USH2A: variants seen among roughly 807,000 people sequenced by gnomAD.
USH2A encodes the protein Usher syndrome 2A (autosomal recessive, mild).
USH2A carries 443 observed loss-of-function variants against 538.9 expected under a neutral mutation model. The observed-to-expected ratio is 0.82, with a 90% confidence interval of 0.76 to 0.89. USH2A has a LOEUF of 0.89. USH2A is among the 40% of genes least tolerant of loss of function. The probability of loss-of-function intolerance (pLI) is 0.00; values close to 1 mark genes in which losing one functional copy is unlikely to be tolerated. For missense variants in USH2A, 6,633 were observed against 6,324.8 expected (o/e 1.05, Z -1.65); for synonymous variants, 2,413 against 2,273.5 (o/e 1.06, Z -1.75).
In USH2A at chr1:215,826,955, C is replaced by T. The variant is rs148855466; in HGVS notation, c.9372-9760G>A. 5.9e-5 allele frequency among the ~76,000 whole-genome samples: 9 copies of T among 151,946 alleles called. No individual in the cohort carries two copies. The East Asian group carries it at 1.5e-3, about 26-fold the overall frequency. On this transcript the variant is annotated intron_variant, in intron 47 of 71. Transcript: ENST00000307340. ...AAAATACTTCAAAGATATATGTCCT[C>T]GATAATATGCAGGATGGTGGTACAT...
In USH2A at chr1:215,872,743, T is replaced by C. The variant is rs1365687751; in HGVS notation, c.8681+5015A>G. Among the ~76,000 whole-genome samples, 6 of 152,210 alleles carry C rather than the reference T, an allele frequency of 3.9e-5. No homozygotes were observed. In the East Asian group the frequency reaches 5.8e-4, roughly 15 times the overall value. On this transcript the variant is annotated intron_variant, in intron 43 of 71. Coordinates refer to ENST00000307340, the MANE Select transcript of USH2A (RefSeq NM_206933.4). ...GCCCTAATGGGATGTGCTTGGATCA[T>C]AGGGGTGAATCCCTTATGAATGGCT...
At chr1:215,793,438 AAG>A (rs1488181366) in intron 50 of USH2A, among the ~76,000 whole-genome samples, 5 of 152,160 alleles carry the variant, frequency 3.3e-5, no homozygotes, top group Admixed American at 2.0e-4. Context: ...CAGAGCATGA[AAG>A]AAAAGAAATT....
intron 24 of USH2A, among the ~76,000 whole-genome samples, chr1:216,085,760 G>C (rs1190042644): frequency 6.7e-6 from 1 of 149,526 alleles, no homozygotes; most frequent in Non-Finnish European, 1.5e-5. Context: ...GTTTTAGAGG[G>C]ACTTCTCTGT....
chr1:215,831,716 AAAG>A (rs1192151735), intron 47 of USH2A, among the ~76,000 whole-genome samples: 2 of 152,132 alleles, frequency 1.3e-5, no homozygotes, highest in African/African-American at 4.8e-5. Context: ...GACTGAGAGA[AAAG>A]AAGAAAGGTC....
At chr1:216,253,827 T>G (rs1257301040) in intron 11 of USH2A, among the ~76,000 whole-genome samples, 1 of 152,236 alleles carries the variant, frequency 6.6e-6, no homozygotes, top group Non-Finnish European at 1.5e-5. Flanking sequence ...TTGCAATTCA[T>G]AATATCCCTT....
At position 216,053,631 on chromosome 1, in the gene USH2A, A is replaced by G. The variant is rs567784796; in HGVS notation, c.6050-4984T>C. 1.2e-3 allele frequency among the ~76,000 whole-genome samples: 179 copies of G among 152,272 alleles called. 1 individual carries two copies. The highest frequency in any genetic ancestry group is 4.2e-3 in the African/African-American group (174 of 41,558). On this transcript the variant is annotated intron_variant, in intron 30 of 71. Transcript: ENST00000307340. The stretch of plus-strand genomic sequence containing the variant: ...CAAGCTGAAGAAACATTCAATAAGC[A>G]TAAAGTAAGCATTATTGATGTCTTA...
chr1:216,392,860 AT>A (rs1375301526), intron 3 of USH2A, among the ~76,000 whole-genome samples: 2 of 152,142 alleles, frequency 1.3e-5, no homozygotes, highest in Non-Finnish European at 2.9e-5. Flanking sequence ...ACCTTTTACG[AT>A]TTTTTAAAAC....
chr1:215,667,213 A>G (rs1657633381), intron 64 of USH2A, among the ~76,000 whole-genome samples: 1 of 152,224 alleles, frequency 6.6e-6, no homozygotes, highest in African/African-American at 2.4e-5. Context: ...CCTTTAGGGC[A>G]TTCCATATTG....
chr1:215,836,478 A>G lies in USH2A; in HGVS notation c.9371+1513T>C, dbSNP rs188957153. Among the ~76,000 whole-genome samples, 63 of 4,954 alleles carry G rather than the reference A, an allele frequency of 0.013. 10 individuals are homozygous for G. In the East Asian group the frequency reaches 0.3, roughly 24 times the overall value. 3.3% of individuals were successfully genotyped at this position (4,954 alleles called of 152,430 possible). On this transcript the variant is annotated intron_variant, in intron 47 of 71. Coordinates refer to ENST00000307340, the MANE Select transcript of USH2A (RefSeq NM_206933.4). ...GTGTATATATATTATATATATATATATAATATATATTATATATATAATATA... is the reference window on the plus strand; with the variant it reads ...GTGTATATATATTATATATATATATGTAATATATATTATATATATAATATA...
At chr1:215,663,072 T>C (rs74808739) in intron 64 of USH2A, among the ~76,000 whole-genome samples, 2,438 of 152,240 alleles carry the variant, frequency 0.016, 58 homozygotes, top group South Asian at 0.074. Flanking sequence ...ATGGCAAGGA[T>C]GAGGAGGGTT....
chr1:216,281,495 G>A (rs955777622), intron 11 of USH2A, among the ~76,000 whole-genome samples: 14 of 151,950 alleles, frequency 9.2e-5, no homozygotes, highest in Admixed American at 2.0e-4. Flanking sequence ...TTCTTCGTCC[G>A]TCTTCCTTTC....
At chr1:216,413,901 T>C (rs1299823710) in intron 3 of USH2A, among the ~76,000 whole-genome samples, 1 of 152,116 alleles carries the variant, frequency 6.6e-6, no homozygotes, top group East Asian at 1.9e-4. Flanking sequence ...GGCTATAAAA[T>C]GTGTGGAACT....
chr1:215,639,015 A>G, intron 69 of USH2A, 140 bp downstream of exon 69: 1 of 880,810 alleles, frequency 1.1e-6, no homozygotes, highest in Non-Finnish European at 1.8e-6. Flanking sequence ...AAAAAAAAAA[A>G]CTCTGACAAC....
intron 23 of USH2A, among the ~76,000 whole-genome samples, chr1:216,087,237 G>A (rs139365256): frequency 1.3e-5 from 2 of 152,194 alleles, no homozygotes; most frequent in African/African-American, 4.8e-5. Flanking sequence ...TGTTTTTCCA[G>A]AGCCCAATCC....
At chr1:216,359,522 T>A (rs1195466892) in intron 4 of USH2A, among the ~76,000 whole-genome samples, 2 of 152,124 alleles carry the variant, frequency 1.3e-5, no homozygotes, top group African/African-American at 4.8e-5. Context: ...TTAACCACAG[T>A]GTTTTGAATA....
intron 13 of USH2A, among the ~76,000 whole-genome samples, chr1:216,242,198 A>AT (rs889252955): frequency 6.7e-6 from 1 of 149,594 alleles, no homozygotes; most frequent in Non-Finnish European, 1.5e-5. Flanking sequence ...TTAAAAAAAA[A>AT]AAAAATACAA....
intron 61 of USH2A, among the ~76,000 whole-genome samples, chr1:215,717,518 G>C (rs1659519745): frequency 6.6e-6 from 1 of 152,142 alleles, no homozygotes; most frequent in Non-Finnish European, 1.5e-5. Context: ...ATGACAAAAT[G>C]ATTGCTTATT....
intron 40 of USH2A, among the ~76,000 whole-genome samples, chr1:215,895,598 T>C (rs889778053): frequency 6.6e-6 from 1 of 152,130 alleles, no homozygotes; most frequent in Non-Finnish European, 1.5e-5. Flanking sequence ...GAAGGATGGA[T>C]GAAGGTTGCT....
chr1:216,408,034 C>T (rs1232223072), intron 3 of USH2A, among the ~76,000 whole-genome samples: 1 of 151,630 alleles, frequency 6.6e-6, no homozygotes, highest in African/African-American at 2.4e-5. Context: ...TATATATTTC[C>T]TTTTACATAT....
Sources: gnomAD v4.1 joint callset for allele counts (sites outside exome capture counted in the v4.1 genomes callset) on GRCh38, gnomAD v4.1.1 for gene constraint, MANE v1.5 for transcripts, NCBI Gene and HGNC (gene_info 2026-07-23, HGNC 2026-07-21) for gene names.